The following DOCK4 variants were observed in gnomAD, a reference collection of about 807,000 sequenced individuals.
DOCK4 encodes dedicator of cytokinesis 4.
In DOCK4, 97 loss-of-function variants were observed where a neutral mutation model predicts 268.1. That is an observed-to-expected ratio of 0.36 (90% confidence interval 0.31 to 0.43). The LOEUF (loss-of-function observed/expected upper bound fraction) is 0.43, where lower values mean the gene tolerates loss of function less well. DOCK4 is among the 20% of genes least tolerant of loss of function. The pLI, the probability that DOCK4 is intolerant of heterozygous loss-of-function variation, is 1.00. For missense variants in DOCK4, 2,145 were observed against 2,455.7 expected (o/e 0.87, Z 2.67); for synonymous variants, 954 against 887.2 (o/e 1.08, Z -1.34).
At chr7:111,817,534 G>T (rs1215399743) in intron 27 of DOCK4, among the ~76,000 whole-genome samples, 1 of 152,150 alleles carries the variant, frequency 6.6e-6, no homozygotes, top group Non-Finnish European at 1.5e-5. Flanking sequence ...AACAATGTCA[G>T]TTTAATTAAA....
intron 12 of DOCK4, among the ~76,000 whole-genome samples, chr7:111,923,953 C>G (rs1039122168): frequency 1.3e-5 from 2 of 152,156 alleles, no homozygotes. Context: ...GTTCTATTTA[C>G]TTCTCTTTAA....
intron 1 of DOCK4, among the ~76,000 whole-genome samples, chr7:112,151,579 C>G (rs1392458628): frequency 6.6e-6 from 1 of 152,100 alleles, no homozygotes; most frequent in Non-Finnish European, 1.5e-5. Flanking sequence ...ATCTCTGAGT[C>G]ATACACAGTA....
At chr7:111,846,258 C>T (rs1804091730) in intron 24 of DOCK4, among the ~76,000 whole-genome samples, 1 of 152,160 alleles carries the variant, frequency 6.6e-6, no homozygotes, top group Admixed American at 6.5e-5. Context: ...CCAAACTCCG[C>T]TCCATAAAAC....
At chr7:111,841,131 A>G (rs756397587) in intron 25 of DOCK4, among the ~76,000 whole-genome samples, 29 of 151,220 alleles carry the variant, frequency 1.9e-4, no homozygotes, top group Non-Finnish European at 3.2e-4. Context: ...TAACTTTGAG[A>G]TAAGTACAAC....
intron 1 of DOCK4, among the ~76,000 whole-genome samples, chr7:112,005,035 GA>G (rs1800741831): frequency 1.3e-5 from 2 of 152,066 alleles, no homozygotes; most frequent in Admixed American, 6.6e-5. Flanking sequence ...GAGAAATGAA[GA>G]AAATGCATTT....
chr7:111,939,060 A>G (rs1794987858), intron 11 of DOCK4, among the ~76,000 whole-genome samples: 2 of 151,778 alleles, frequency 1.3e-5, no homozygotes, highest in African/African-American at 4.8e-5. Context: ...CAGAGATCAG[A>G]GTGACGCGTC....
intron 12 of DOCK4, among the ~76,000 whole-genome samples, chr7:111,930,454 G>C (rs951138006): frequency 2.0e-5 from 3 of 152,140 alleles, no homozygotes; most frequent in African/African-American, 7.2e-5. Flanking sequence ...GGTAGAATTT[G>C]TTTCCGAAAC....
chr7:111,896,405 T>C (rs1488090621), intron 15 of DOCK4, among the ~76,000 whole-genome samples: 2 of 151,998 alleles, frequency 1.3e-5, no homozygotes, highest in African/African-American at 4.8e-5. Context: ...AGTAATTATT[T>C]ATAGATAGGG....
At chr7:112,013,643 C>G (rs183885776) in intron 1 of DOCK4, among the ~76,000 whole-genome samples, 121 of 152,318 alleles carry the variant, frequency 7.9e-4, no homozygotes, top group African/African-American at 2.7e-3. Flanking sequence ...TTCAAAACAA[C>G]GCAAGCATCC....
At chr7:111,859,307 G>T (rs759137627) in intron 23 of DOCK4, among the ~76,000 whole-genome samples, 10 of 152,182 alleles carry the variant, frequency 6.6e-5, no homozygotes, top group Non-Finnish European at 1.3e-4. Context: ...AAGCCACTAA[G>T]TTTGCGATTA....
chr7:112,189,101 G>A (rs1319357007), intron 1 of DOCK4, among the ~76,000 whole-genome samples: 2 of 152,102 alleles, frequency 1.3e-5, no homozygotes, highest in African/African-American at 4.8e-5. Flanking sequence ...ATTTGGAATG[G>A]GAAGCTATAA....
intron 11 of DOCK4, 80 bp downstream of exon 11, chr7:111,940,030 C>T: frequency 1.4e-6 from 2 of 1,449,714 alleles, no homozygotes; most frequent in Admixed American, 1.7e-5. Context: ...TCTCTACCCA[C>T]CTAAAGTAGC....
At chr7:112,179,571 T>A (rs761228695) in intron 1 of DOCK4, among the ~76,000 whole-genome samples, 4 of 151,220 alleles carry the variant, frequency 2.6e-5, no homozygotes, top group Non-Finnish European at 4.4e-5. Flanking sequence ...AACCCAGAAG[T>A]GAATTAAACA....
At chr7:112,048,826 G>A (rs932622215) in intron 1 of DOCK4, among the ~76,000 whole-genome samples, 1 of 151,566 alleles carries the variant, frequency 6.6e-6, no homozygotes, top group Non-Finnish European at 1.5e-5. Context: ...ATGTAGGTTT[G>A]TTATGTAGGT....
At chr7:111,730,280 T>C (rs1176423043) in intron 52 of DOCK4, among the ~76,000 whole-genome samples, 1 of 152,206 alleles carries the variant, frequency 6.6e-6, no homozygotes, top group Non-Finnish European at 1.5e-5. Context: ...TTTTCAAGGC[T>C]TAGAATAAAG....
chr7:111,863,275 T>C lies in DOCK4; in HGVS notation c.2473+97A>G, dbSNP rs868518155. 6.2e-6 allele frequency: 8 copies of C among 1,300,526 alleles called. No homozygotes were observed. The Middle Eastern group carries it at 1.1e-3, about 179-fold the overall frequency. The allele number at this position is 1,300,526 out of a possible 1,614,324, so 80.6% of individuals were successfully genotyped here. A position where few individuals can be genotyped will look rare whatever the true frequency, so the allele number is the denominator to read the frequency against. ...ACAATGGTTTTGAGAAAATGCCTTTTAGTGTTTTGTTTTTAATTGCATCTG... is the reference window on the plus strand; with the variant it reads ...ACAATGGTTTTGAGAAAATGCCTTTCAGTGTTTTGTTTTTAATTGCATCTG... On this transcript the variant is annotated intron_variant, in intron 23 of 52. Coordinates refer to ENST00000428084, the MANE Select transcript of DOCK4 (RefSeq NM_001363540.2).
At chr7:112,163,321 C>T (rs574207800) in intron 1 of DOCK4, among the ~76,000 whole-genome samples, 1 of 152,204 alleles carries the variant, frequency 6.6e-6, no homozygotes, top group East Asian at 1.9e-4. Context: ...GCATGCTCCA[C>T]TCTCATCAAT....
At chr7:111,832,921 T>G (rs1226318989) in intron 26 of DOCK4, among the ~76,000 whole-genome samples, 1 of 152,226 alleles carries the variant, frequency 6.6e-6, no homozygotes. Flanking sequence ...ATTCATTATT[T>G]CCATTTGTTT....
intron 42 of DOCK4, among the ~76,000 whole-genome samples, chr7:111,754,840 G>A (rs1019704182): frequency 8.5e-5 from 13 of 152,190 alleles, no homozygotes; most frequent in African/African-American, 3.1e-4. Context: ...GGCACCCACT[G>A]ATCTACAGTG....
Sources: allele counts gnomAD v4.1 joint callset (sites outside exome capture counted in the v4.1 genomes callset), GRCh38; gene constraint gnomAD v4.1.1; transcripts MANE v1.5; gene names NCBI Gene and HGNC (gene_info 2026-07-23, HGNC 2026-07-21).